TAS2R1: variants seen among roughly 807,000 people sequenced by gnomAD.
TAS2R1 encodes the protein taste receptor type 2 member 1.
For synonymous variants in TAS2R1, 141 were observed against 134.2 expected (o/e 1.05, Z -0.35); for missense variants, 370 against 353.4 (o/e 1.05, Z -0.38).
chr5:9,795,907 C>T, the TAS2R1 span, among the ~76,000 whole-genome samples: 1 of 152,148 alleles, frequency 6.6e-6, no homozygotes, highest in Non-Finnish European at 1.5e-5. Context: ...ATCCTATTCT[C>T]TAAGGGTCCA....
the TAS2R1 span, among the ~76,000 whole-genome samples, chr5:9,846,019 ACT>A: frequency 6.6e-6 from 1 of 152,204 alleles, no homozygotes; most frequent in Non-Finnish European, 1.5e-5. Context: ...GTAATGTTTC[ACT>A]CTGAGACCAA....
chr5:9,897,046 G>T, the TAS2R1 span, among the ~76,000 whole-genome samples: 1 of 152,300 alleles, frequency 6.6e-6, no homozygotes, highest in African/African-American at 2.4e-5. Context: ...TAGGGCACCA[G>T]GAAAAATGGC....
At chr5:9,810,882 C>T in the TAS2R1 span, among the ~76,000 whole-genome samples, 5 of 152,136 alleles carry the variant, frequency 3.3e-5, no homozygotes, top group Non-Finnish European at 7.4e-5. Flanking sequence ...TCTTTGTCTA[C>T]ACCCACACCA....
At chr5:9,876,012 C>T in the TAS2R1 span, among the ~76,000 whole-genome samples, 1 of 152,224 alleles carries the variant, frequency 6.6e-6, no homozygotes, top group African/African-American at 2.4e-5. Flanking sequence ...CATCTACATA[C>T]CCAACTATGG....
chr5:9,751,513 T>C, the TAS2R1 span, among the ~76,000 whole-genome samples: 4 of 152,190 alleles, frequency 2.6e-5, no homozygotes, highest in African/African-American at 9.6e-5. Flanking sequence ...TTTTTGAAAA[T>C]GTCATCTGTA....
the TAS2R1 span, among the ~76,000 whole-genome samples, chr5:9,773,797 G>C: frequency 1.3e-5 from 2 of 152,124 alleles, no homozygotes; most frequent in Admixed American, 1.3e-4. Context: ...AAATGTATTA[G>C]AGCTGTATTA....
the TAS2R1 span, among the ~76,000 whole-genome samples, chr5:9,837,278 G>C: frequency 6.6e-6 from 1 of 152,216 alleles, no homozygotes; most frequent in African/African-American, 2.4e-5. Context: ...GAAGAGGTCT[G>C]TGCCAGCTGC....
At chr5:9,769,651 C>T in the TAS2R1 span, among the ~76,000 whole-genome samples, 3 of 152,258 alleles carry the variant, frequency 2.0e-5, no homozygotes, top group South Asian at 6.2e-4. Flanking sequence ...ATTTGCAGTT[C>T]TCTGATGGTC....
At chr5:9,851,972 A>G in the TAS2R1 span, among the ~76,000 whole-genome samples, 1 of 152,204 alleles carries the variant, frequency 6.6e-6, no homozygotes, top group African/African-American at 2.4e-5. Flanking sequence ...ATCCATCATT[A>G]ATATGGCTCA....
the TAS2R1 span, among the ~76,000 whole-genome samples, chr5:9,754,384 C>A: frequency 1.3e-5 from 2 of 152,166 alleles, no homozygotes; most frequent in Non-Finnish European, 2.9e-5. Context: ...TCCTATTCAA[C>A]ATAGTCTTGG....
At chr5:9,758,257 T>C in the TAS2R1 span, among the ~76,000 whole-genome samples, 2 of 152,170 alleles carry the variant, frequency 1.3e-5, no homozygotes, top group Admixed American at 6.5e-5. Flanking sequence ...AATTTATTAA[T>C]ATCTCCTGGA....
chr5:9,835,384 G>A, the TAS2R1 span, among the ~76,000 whole-genome samples: 1 of 152,164 alleles, frequency 6.6e-6, no homozygotes, highest in Non-Finnish European at 1.5e-5. Context: ...TTCAGTGTCA[G>A]GTGACCTAGA....
At chr5:9,682,141 T>C (rs1741006123) in intron 1 of TAS2R1, among the ~76,000 whole-genome samples, 1 of 152,208 alleles carries the variant, frequency 6.6e-6, no homozygotes, top group African/African-American at 2.4e-5. Context: ...ATTACAAAGC[T>C]TTACAGTTTT....
chr5:9,847,416 T>A, the TAS2R1 span, among the ~76,000 whole-genome samples: 1 of 152,210 alleles, frequency 6.6e-6, no homozygotes, highest in Non-Finnish European at 1.5e-5. Flanking sequence ...CAAATTGGTT[T>A]CCTTGGCCCT....
chr5:9,649,165 AT>A (rs1157905612), intron 2 of TAS2R1, among the ~76,000 whole-genome samples: 2 of 152,088 alleles, frequency 1.3e-5, no homozygotes, highest in Non-Finnish European at 2.9e-5. Flanking sequence ...TTGGCATTGT[AT>A]TTTTTTGTCC....
the TAS2R1 span, among the ~76,000 whole-genome samples, chr5:9,799,401 A>G: frequency 2.6e-5 from 4 of 152,220 alleles, no homozygotes; most frequent in African/African-American, 7.2e-5. Context: ...GCATCAAATC[A>G]GAAACATCAT....
the TAS2R1 span, among the ~76,000 whole-genome samples, chr5:9,825,322 G>A: frequency 3.3e-5 from 5 of 152,278 alleles, no homozygotes; most frequent in East Asian, 9.7e-4. Flanking sequence ...CTTACATGGT[G>A]GCAGGGAAGA....
At chr5:9,734,662 C>T in the TAS2R1 span, among the ~76,000 whole-genome samples, 2 of 152,254 alleles carry the variant, frequency 1.3e-5, no homozygotes, top group South Asian at 4.1e-4. Flanking sequence ...TACAAACCCC[C>T]TACAATCCCT....
the TAS2R1 span, among the ~76,000 whole-genome samples, chr5:9,851,943 G>T: frequency 1.3e-5 from 2 of 152,176 alleles, no homozygotes; most frequent in Non-Finnish European, 2.9e-5. Flanking sequence ...TCAGATAGAG[G>T]CTTGACTAGG....
Sources: allele counts gnomAD v4.1 joint callset (sites outside exome capture counted in the v4.1 genomes callset), GRCh38; gene constraint gnomAD v4.1.1; transcripts MANE v1.5; gene names NCBI Gene and HGNC (gene_info 2026-07-23, HGNC 2026-07-21).